The following NCKAP1 variants were observed in gnomAD, a reference collection of about 807,000 sequenced individuals.
NCKAP1 encodes NCK associated protein 1, also known as nck-associated protein 1.
In NCKAP1, 21 loss-of-function variants were observed where a neutral mutation model predicts 151.2. The ratio of observed to expected loss-of-function variants is 0.14; its 90% CI spans 0.10 to 0.20. NCKAP1 has a LOEUF of 0.20. NCKAP1 is among the 10% of genes least tolerant of loss of function. The probability of loss-of-function intolerance (pLI) is 1.00; values close to 1 mark genes in which losing one functional copy is unlikely to be tolerated. For synonymous variants in NCKAP1, 484 were observed against 451.8 expected, an observed-to-expected ratio of 1.07 and a Z score of -0.90; for missense variants, 933 against 1,352.1, an observed-to-expected ratio of 0.69 and a Z score of 4.86.
chr2:182,995,684 GA>G lies in NCKAP1; in HGVS notation c.741+16del. On this transcript the variant is annotated intron_variant, in intron 7 of 30. Coordinates refer to ENST00000361354, the MANE Select transcript of NCKAP1 (RefSeq NM_013436.5). Reference sequence around the variant, plus strand: ...AGTCACTTTATTTTCATTCAAAAGAGAAAAATAGAACCATACAGTGTCGGAC... The same window carrying G: ...AGTCACTTTATTTTCATTCAAAAGAGAAAATAGAACCATACAGTGTCGGAC... The G allele has an allele frequency of 6.3e-7, 1 of 1,592,700 alleles. No homozygotes were observed. The highest frequency in any genetic ancestry group is 1.2e-5 in the South Asian group (1 of 86,604).
chr2:183,015,520 T>C (rs925929087), intron 2 of NCKAP1, among the ~76,000 whole-genome samples: 6 of 151,856 alleles, frequency 4.0e-5, no homozygotes, highest in Non-Finnish European at 7.4e-5. Flanking sequence ...GACATGATTA[T>C]AAGGCCAAAT....
chr2:182,932,657 T>C (rs1430668668), intron 26 of NCKAP1, among the ~76,000 whole-genome samples: 2 of 152,114 alleles, frequency 1.3e-5, no homozygotes, highest in African/African-American at 2.4e-5. Context: ...TGTTTTTGTT[T>C]TTTGTTGTTT....
At chr2:182,947,539 C>A (rs60969946) in intron 23 of NCKAP1, among the ~76,000 whole-genome samples, 1 of 152,190 alleles carries the variant, frequency 6.6e-6, no homozygotes, top group Admixed American at 6.5e-5. Context: ...TTCTCCTTGG[C>A]GTCAGCCTAG....
At chr2:183,024,179 AAAAAAG>A (rs1262780750) in intron 1 of NCKAP1, among the ~76,000 whole-genome samples, 1 of 152,002 alleles carries the variant, frequency 6.6e-6, no homozygotes, top group Non-Finnish European at 1.5e-5. Flanking sequence ...TCAAACCTAA[AAAAAAG>A]AAAAAGAAAA....
chr2:182,955,699 C>T (rs1439838489), intron 20 of NCKAP1, among the ~76,000 whole-genome samples: 6 of 152,200 alleles, frequency 3.9e-5, no homozygotes, highest in African/African-American at 1.4e-4. Context: ...AGTCAATACA[C>T]ATGCATACAT....
intron 15 of NCKAP1, among the ~76,000 whole-genome samples, chr2:182,974,327 A>G (rs1333760849): frequency 6.6e-6 from 1 of 151,838 alleles, no homozygotes; most frequent in Non-Finnish European, 1.5e-5. Flanking sequence ...CATGTTCTAA[A>G]CGTGGTTAAC....
chr2:182,976,875 A>G lies in NCKAP1; in HGVS notation c.1482+18T>C, dbSNP rs745353844. ...ACTAAAATAACAAAACAGAATGACA[A>G]TAAAAGGTTATTCTTACCTGTAACC... On this transcript the variant is annotated intron_variant, in intron 15 of 30. Coordinates refer to ENST00000361354, the MANE Select transcript of NCKAP1 (RefSeq NM_013436.5). The G allele has an allele frequency of 1.4e-6, 2 of 1,449,318 alleles. No homozygotes were observed. The highest frequency in any genetic ancestry group is 1.4e-5 in the South Asian group (1 of 69,182). The allele number at this position is 1,449,318 out of a possible 1,614,324, so 89.8% of individuals were successfully genotyped here. A position where few individuals can be genotyped will look rare whatever the true frequency, so the allele number is the denominator to read the frequency against.
chr2:182,967,562 A>C (rs1697598542), intron 15 of NCKAP1, among the ~76,000 whole-genome samples: 1 of 152,198 alleles, frequency 6.6e-6, no homozygotes, highest in Non-Finnish European at 1.5e-5. Flanking sequence ...CTGAAATACT[A>C]ATGTCCATAA....
chr2:182,951,583 G>A (rs1234489205), intron 23 of NCKAP1, among the ~76,000 whole-genome samples: 3 of 130,654 alleles, frequency 2.3e-5, no homozygotes, highest in Non-Finnish European at 4.7e-5. Flanking sequence ...GTTGCAGTGA[G>A]TTGAGATTGT....
Position 183,002,201 on chromosome 2 carries a change from C to G in NCKAP1, c.438G>C (p.Leu146=), listed in dbSNP as rs1698386598. Residue 146 remains leucine (L), a synonymous_variant, in exon 5 of 31, where the codon CTG becomes CTC. Coordinates refer to ENST00000361354, the MANE Select transcript of NCKAP1 (RefSeq NM_013436.5). ...LIITYTTLMI[L]LSRIEERKAI... ...CCTTCCTTTCTTCAATTCGAGACAG[C>G]AGTATCATTAGTGTTGTATAGGTTA... 1.3e-6 allele frequency: 2 copies of G among 1,592,998 alleles called. No homozygotes were observed. The highest frequency in any genetic ancestry group is 1.7e-6 in the Non-Finnish European group (2 of 1,161,062).
chr2:182,952,611 A>C, intron 22 of NCKAP1, 109 bp from the exon 23 acceptor site: 1 of 1,118,966 alleles, frequency 8.9e-7, no homozygotes, highest in African/African-American at 1.6e-5. Context: ...TAAAATCCTG[A>C]TAAAAGTCTC....
chr2:182,934,596 G>C, intron 26 of NCKAP1, 156 bp downstream of exon 26: 1 of 531,454 alleles, frequency 1.9e-6, no homozygotes, highest in Non-Finnish European at 3.3e-6. Context: ...TTGGTGCTGA[G>C]CTCTCAAAGA....
At chr2:182,986,048 C>T in intron 10 of NCKAP1, 123 bp downstream of exon 10, 1 of 831,176 alleles carries the variant, frequency 1.2e-6, no homozygotes, top group East Asian at 2.7e-5. Flanking sequence ...TTCTCATTGA[C>T]TGAAAGTCCC....
At position 182,921,472 on chromosome 2, in the gene NCKAP1, C is replaced by T. The variant is rs935526380; in HGVS notation, c.*4230G>A. 1.3e-5 allele frequency: 2 copies of T among 152,178 alleles called. No individual in the cohort carries two copies. Among genetic ancestry groups the T allele is most frequent in the Admixed American group, 6.5e-5 (1 of 15,282 alleles). The allele number at this position is 152,178 out of a possible 1,614,324, so 9.4% of individuals were successfully genotyped here. On this transcript the variant is annotated 3_prime_UTR_variant, in exon 31 of 31. Coordinates refer to ENST00000361354, the MANE Select transcript of NCKAP1 (RefSeq NM_013436.5). ...ACCAAGGTCACATACCTAGTACAAC[C>T]CCATCTCCAGGCCACCCATTTACCA...
At chr2:183,019,513 G>T (rs1559108837) in intron 2 of NCKAP1, among the ~76,000 whole-genome samples, 1 of 152,210 alleles carries the variant, frequency 6.6e-6, no homozygotes, top group Non-Finnish European at 1.5e-5. Context: ...GAAAATAACA[G>T]ATTCCCCTCC....
chr2:183,028,352 CA>C (rs1416818861), intron 1 of NCKAP1, among the ~76,000 whole-genome samples: 1 of 152,016 alleles, frequency 6.6e-6, no homozygotes, highest in African/African-American at 2.4e-5. Context: ...ACTATAATTT[CA>C]AATTTCAGAA....
intron 1 of NCKAP1, among the ~76,000 whole-genome samples, chr2:183,026,555 T>C (rs1448037499): frequency 3.3e-5 from 5 of 152,090 alleles, no homozygotes; most frequent in African/African-American, 1.2e-4. Context: ...GGAATTGATT[T>C]ACCTTTTCCA....
chr2:183,005,299 T>A (rs538227407), intron 2 of NCKAP1, among the ~76,000 whole-genome samples: 1 of 152,330 alleles, frequency 6.6e-6, no homozygotes, highest in South Asian at 2.1e-4. Flanking sequence ...ATAATTTTAC[T>A]AATTGTGTCC....
Position 182,911,523 on chromosome 2 carries a change from A to G in NCKAP1, c.*14179T>C, listed in dbSNP as rs1696395095. 2.6e-5 allele frequency: 4 copies of G among 152,230 alleles called. No homozygotes were observed. The South Asian group carries it at 8.3e-4, about 32-fold the overall frequency. 9.4% of individuals were successfully genotyped at this position (152,230 alleles called of 1,614,324 possible). On this transcript the variant is annotated 3_prime_UTR_variant, in exon 31 of 31. Transcript: ENST00000361354. Reference sequence around the variant, plus strand: ...AACAGACTATGTGAAAAAATTTGAAATATAAACTCTTAAACCATGAAAACA... The same window carrying G: ...AACAGACTATGTGAAAAAATTTGAAGTATAAACTCTTAAACCATGAAAACA...
Sources: allele counts gnomAD v4.1 joint callset (sites outside exome capture counted in the v4.1 genomes callset), GRCh38; gene constraint gnomAD v4.1.1; transcripts MANE v1.5; gene names NCBI Gene and HGNC (gene_info 2026-07-23, HGNC 2026-07-21).